The following GRM7 variants were observed in gnomAD, a reference collection of about 807,000 sequenced individuals.
GRM7 encodes metabotropic glutamate receptor 7.
GRM7 carries 35 observed loss-of-function variants against 84.5 expected under a neutral mutation model. That is an observed-to-expected ratio of 0.41 (90% CI 0.32 to 0.55). GRM7 has a LOEUF of 0.55. GRM7 is among the 20% of genes least tolerant of loss of function. The probability of loss-of-function intolerance (pLI) is 0.19; values close to 1 mark genes in which losing one functional copy is unlikely to be tolerated. For missense variants in GRM7, 1,003 were observed against 1,194.6 expected (o/e 0.84, Z 2.36); for synonymous variants, 487 against 455.1 (o/e 1.07, Z -0.89).
At chr3:7,490,533 T>G (rs1438544552) in intron 7 of GRM7, among the ~76,000 whole-genome samples, 2 of 152,146 alleles carry the variant, frequency 1.3e-5, no homozygotes, top group Non-Finnish European at 2.9e-5. Context: ...GAAACTATAA[T>G]GTTGAAATAT....
intron 9 of GRM7, among the ~76,000 whole-genome samples, chr3:7,687,065 C>T (rs1046471029): frequency 6.8e-6 from 1 of 146,046 alleles, no homozygotes; most frequent in Non-Finnish European, 1.5e-5. Flanking sequence ...GCTCATAGTT[C>T]TGCCTTTGAG....
chr3:7,493,293 CTAT>C (rs1254872517), intron 7 of GRM7, among the ~76,000 whole-genome samples: 2 of 151,924 alleles, frequency 1.3e-5, no homozygotes, highest in Non-Finnish European at 2.9e-5. Flanking sequence ...GTGGATTTGT[CTAT>C]TATTCTTTTC....
chr3:7,453,716 C>A (rs576898497), intron 6 of GRM7, among the ~76,000 whole-genome samples: 42 of 151,892 alleles, frequency 2.8e-4, no homozygotes, highest in Non-Finnish European at 5.9e-4. Flanking sequence ...CCTCTTGGGC[C>A]TTTTATGAAG....
intron 1 of GRM7, among the ~76,000 whole-genome samples, chr3:7,053,232 T>C (rs1180327301): frequency 6.6e-6 from 1 of 151,392 alleles, no homozygotes; most frequent in Non-Finnish European, 1.5e-5. Context: ...ATCCTTTTTT[T>C]TTACTTTAGT....
intron 2 of GRM7, among the ~76,000 whole-genome samples, chr3:7,246,006 T>C (rs550355074): frequency 6.6e-6 from 1 of 152,216 alleles, no homozygotes; most frequent in African/African-American, 2.4e-5. Context: ...TTTAAAATAA[T>C]GTAAATAACT....
At chr3:6,962,472 G>C (rs967911300) in intron 1 of GRM7, among the ~76,000 whole-genome samples, 3 of 152,018 alleles carry the variant, frequency 2.0e-5, no homozygotes, top group Non-Finnish European at 2.9e-5. Context: ...AATGAGAAAG[G>C]AAAACTCACT....
At chr3:7,447,489 C>G (rs966110666) in intron 5 of GRM7, among the ~76,000 whole-genome samples, 1 of 152,078 alleles carries the variant, frequency 6.6e-6, no homozygotes, top group Non-Finnish European at 1.5e-5. Context: ...ATGTATTACT[C>G]GGAAGACCAT....
At chr3:7,728,120 C>T (rs193015270) in intron 9 of GRM7, among the ~76,000 whole-genome samples, 1 of 152,272 alleles carries the variant, frequency 6.6e-6, no homozygotes, top group African/African-American at 2.4e-5. Flanking sequence ...ATGGCACACA[C>T]GTACCCTTCT....
intron 2 of GRM7, among the ~76,000 whole-genome samples, chr3:7,259,316 T>C (rs1351578020): frequency 6.6e-6 from 1 of 152,200 alleles, no homozygotes. Context: ...GGGATACATG[T>C]GTAAGTTTGC....
At chr3:7,456,677 G>A (rs758580654) in intron 6 of GRM7, among the ~76,000 whole-genome samples, 2 of 129,262 alleles carry the variant, frequency 1.5e-5, no homozygotes, top group Non-Finnish European at 3.4e-5. Flanking sequence ...TTTCAGGAAG[G>A]GCTAATTTTC....
intron 1 of GRM7, among the ~76,000 whole-genome samples, chr3:7,045,049 G>A (rs969743058): frequency 6.6e-6 from 1 of 152,142 alleles, no homozygotes; most frequent in Non-Finnish European, 1.5e-5. Flanking sequence ...TTTTAGTGTA[G>A]AAGATTCTGT....
At chr3:7,288,566 C>G (rs1464472539) in intron 2 of GRM7, among the ~76,000 whole-genome samples, 1 of 152,112 alleles carries the variant, frequency 6.6e-6, no homozygotes, top group Non-Finnish European at 1.5e-5. Context: ...ACCCATACCC[C>G]CACTTCTGTC....
intron 6 of GRM7, among the ~76,000 whole-genome samples, chr3:7,458,930 TTTC>T (rs541036907): frequency 1.8e-4 from 28 of 152,348 alleles, no homozygotes; most frequent in Middle Eastern, 3.4e-3. Context: ...CCAGATTTTA[TTTC>T]TTCTTCTTAT....
intron 8 of GRM7, among the ~76,000 whole-genome samples, chr3:7,590,168 C>A (rs1472223304): frequency 6.6e-6 from 1 of 152,098 alleles, no homozygotes; most frequent in African/African-American, 2.4e-5. Context: ...GACCTGTGAC[C>A]CCCAACCAGT....
At chr3:7,131,735 C>T (rs769252250) in intron 1 of GRM7, among the ~76,000 whole-genome samples, 47 of 152,102 alleles carry the variant, frequency 3.1e-4, no homozygotes, top group Non-Finnish European at 6.0e-4. Context: ...TCTCGGCCTC[C>T]CAACATGCTG....
chr3:7,215,883 T>C (rs1696593124), intron 2 of GRM7, among the ~76,000 whole-genome samples: 1 of 152,068 alleles, frequency 6.6e-6, no homozygotes, highest in Admixed American at 6.6e-5. Context: ...AACTCAACTT[T>C]CCCGCCAACT....
chr3:6,959,002 G>C (rs1014822041), intron 1 of GRM7, among the ~76,000 whole-genome samples: 1 of 152,166 alleles, frequency 6.6e-6, no homozygotes, highest in Admixed American at 6.5e-5. Context: ...GATGTCCAGG[G>C]GCATATGGCC....
At chr3:6,999,681 A>G (rs1447261706) in intron 1 of GRM7, among the ~76,000 whole-genome samples, 1 of 152,216 alleles carries the variant, frequency 6.6e-6, no homozygotes, top group Non-Finnish European at 1.5e-5. Flanking sequence ...GGAAGCAAAC[A>G]CAACCTTCTT....
chr3:7,365,123 T>C (rs1693822646), intron 4 of GRM7, among the ~76,000 whole-genome samples: 1 of 151,902 alleles, frequency 6.6e-6, no homozygotes, highest in Non-Finnish European at 1.5e-5. Context: ...GTTTTTCTGT[T>C]GCCAATACTT....
Sources: gnomAD v4.1 joint callset for allele counts (sites outside exome capture counted in the v4.1 genomes callset) on GRCh38, gnomAD v4.1.1 for gene constraint, MANE v1.5 for transcripts, NCBI Gene and HGNC (gene_info 2026-07-23, HGNC 2026-07-21) for gene names.